Variants in GPHN observed in about 807,000 individuals in gnomAD.
GPHN encodes gephyrin.
A neutral mutation model predicts 95.5 loss-of-function variants in GPHN; 17 were observed. The observed-to-expected ratio is 0.18, with a 90% CI of 0.12 to 0.27. GPHN has a LOEUF of 0.27. GPHN is among the 10% of genes least tolerant of loss of function. The pLI is 1.00. For missense variants in GPHN, 660 were observed against 978.1 expected, an observed-to-expected ratio of 0.67 and a Z score of 4.34; for synonymous variants, 320 against 322.5, an observed-to-expected ratio of 0.99 and a Z score of 0.08.
At chr14:66,942,957 T>TA (rs1174937019) in intron 8 of GPHN, among the ~76,000 whole-genome samples, 2 of 152,226 alleles carry the variant, frequency 1.3e-5, no homozygotes, top group African/African-American at 2.4e-5. Flanking sequence ...TCAGATACTT[T>TA]AAAAAAGCAA....
intron 3 of GPHN, among the ~76,000 whole-genome samples, chr14:66,786,243 G>C (rs2059770078): frequency 2.0e-5 from 3 of 151,886 alleles, no homozygotes; most frequent in Admixed American, 2.0e-4. Context: ...AGGATAATTA[G>C]GTAATACTAT....
At chr14:66,761,785 C>G (rs2319497) in intron 2 of GPHN, among the ~76,000 whole-genome samples, 49,526 of 151,630 alleles carry the variant, frequency 0.33, 11,839 homozygotes, top group African/African-American at 0.65. Flanking sequence ...TTAGCCTCCC[C>G]AGTAGCTGGG....
chr14:67,563,240 T>C, the GPHN span, among the ~76,000 whole-genome samples: 7 of 152,248 alleles, frequency 4.6e-5, no homozygotes, highest in East Asian at 3.9e-4. Context: ...ACCACTAGGG[T>C]TGAACTGTTA....
At chr14:67,033,096 A>T (rs946214410) in intron 10 of GPHN, among the ~76,000 whole-genome samples, 2 of 152,210 alleles carry the variant, frequency 1.3e-5, no homozygotes, top group Non-Finnish European at 2.9e-5. Context: ...AAAAAGAACC[A>T]AAGAGAAATT....
chr14:67,442,197 T>G, the GPHN span, among the ~76,000 whole-genome samples: 1 of 152,076 alleles, frequency 6.6e-6, no homozygotes, highest in East Asian at 1.9e-4. Flanking sequence ...CTAAGCGCCA[T>G]GAAAGCCATG....
intron 11 of GPHN, among the ~76,000 whole-genome samples, chr14:67,080,046 C>T (rs900568956): frequency 6.6e-6 from 1 of 152,062 alleles, no homozygotes; most frequent in Non-Finnish European, 1.5e-5. Context: ...ACCAGCTGTG[C>T]ACAAGGGTTT....
chr14:66,861,493 T>C (rs1342389579), intron 4 of GPHN, among the ~76,000 whole-genome samples: 2 of 151,992 alleles, frequency 1.3e-5, no homozygotes, highest in Non-Finnish European at 2.9e-5. Flanking sequence ...ATAGAACAAA[T>C]GGACCTAATA....
chr14:67,720,884 T>G, the GPHN span: 8 of 152,272 alleles, frequency 5.3e-5, no homozygotes, highest in African/African-American at 1.9e-4. Flanking sequence ...CTCTGCTTCC[T>G]GGACAAGCTC....
At chr14:67,301,383 T>A in the GPHN span, 57 of 1,596,950 alleles carry the variant, frequency 3.6e-5, no homozygotes, top group African/African-American at 5.4e-5. Flanking sequence ...TATTTTTGTT[T>A]CTTAGGTACA....
intron 22 of GPHN, among the ~76,000 whole-genome samples, chr14:67,180,314 C>T (rs2083259744): frequency 6.6e-6 from 1 of 152,176 alleles, no homozygotes; most frequent in Non-Finnish European, 1.5e-5. Context: ...TCAGAGAGAA[C>T]TGCATTCAAA....
chr14:67,714,215 A>C, the GPHN span, among the ~76,000 whole-genome samples: 798 of 152,274 alleles, frequency 5.2e-3, 6 homozygotes, highest in African/African-American at 0.013. Context: ...AGATCCCTGC[A>C]GCCTCCACCT....
At chr14:66,702,493 G>A (rs1015550064) in intron 2 of GPHN, among the ~76,000 whole-genome samples, 34 of 152,130 alleles carry the variant, frequency 2.2e-4, no homozygotes, top group African/African-American at 8.2e-4. Flanking sequence ...CTCCAGATGT[G>A]AGAGCGAACC....
chr14:67,712,493 C>CAAA, the GPHN span, among the ~76,000 whole-genome samples: 107 of 38,892 alleles, frequency 2.8e-3, 5 homozygotes, highest in East Asian at 0.015. Context: ...AAAAAACTTG[C>CAAA]AAAAAAAAAA....
At chr14:66,580,033 A>T (rs529188174) in intron 1 of GPHN, among the ~76,000 whole-genome samples, 1 of 151,978 alleles carries the variant, frequency 6.6e-6, no homozygotes, top group South Asian at 2.1e-4. Context: ...TTTTTTAACC[A>T]CAGTGGTATG....
chr14:67,252,239 G>T, the GPHN span, among the ~76,000 whole-genome samples: 36 of 152,108 alleles, frequency 2.4e-4, no homozygotes, highest in African/African-American at 8.7e-4. Context: ...ACCCAGGCTG[G>T]AGTGCAGTGG....
At chr14:66,711,565 T>A (rs10131307) in intron 2 of GPHN, among the ~76,000 whole-genome samples, 46,983 of 150,518 alleles carry the variant, frequency 0.31, 11,293 homozygotes, top group African/African-American at 0.65. Flanking sequence ...CAGTAGTGGG[T>A]TTGCTGGATC....
chr14:67,106,840 G>T (rs1212994100), intron 13 of GPHN, among the ~76,000 whole-genome samples: 14 of 152,106 alleles, frequency 9.2e-5, no homozygotes, highest in Admixed American at 8.5e-4. Context: ...TTTCATTGGA[G>T]TCTGTTACTA....
intron 1 of GPHN, among the ~76,000 whole-genome samples, chr14:66,672,474 T>C (rs995341080): frequency 2.6e-5 from 4 of 152,182 alleles, no homozygotes; most frequent in Non-Finnish European, 5.9e-5. Context: ...ATTTTTTTCT[T>C]GTGAGATTTG....
the GPHN span, among the ~76,000 whole-genome samples, chr14:67,626,091 A>G: frequency 1.3e-5 from 2 of 151,924 alleles, no homozygotes; most frequent in Non-Finnish European, 2.9e-5. Flanking sequence ...CGTCTCTACT[A>G]AAAAATACAA....
Sources: allele counts gnomAD v4.1 joint callset (sites outside exome capture counted in the v4.1 genomes callset), GRCh38; gene constraint gnomAD v4.1.1; transcripts MANE v1.5; gene names NCBI Gene and HGNC (gene_info 2026-07-23, HGNC 2026-07-21).